Variants in GABRG3 observed in about 807,000 individuals in gnomAD.
The protein encoded by GABRG3 is gamma-aminobutyric acid type A receptor subunit gamma3, also known as gamma-aminobutyric acid receptor subunit gamma-3.
Under a neutral mutation model 48.8 loss-of-function variants are expected in GABRG3, and 25 were observed. That is an observed-to-expected ratio of 0.51 (90% CI 0.37 to 0.72). The LOEUF (loss-of-function observed/expected upper bound fraction) is 0.72. GABRG3 is among the 30% of genes least tolerant of loss of function. GABRG3 has a pLI of 0.00. For synonymous variants in GABRG3, 227 were observed against 217.6 expected (o/e 1.04, Z -0.38); for missense variants, 394 against 577.9 (o/e 0.68, Z 3.26).
At chr15:27,439,489 C>G (rs1030632813) in intron 5 of GABRG3, among the ~76,000 whole-genome samples, 1 of 152,098 alleles carries the variant, frequency 6.6e-6, no homozygotes, top group African/African-American at 2.4e-5. Context: ...CAGACAAACA[C>G]TACCTCAGAA....
At chr15:27,174,355 C>T (rs905993794) in intron 3 of GABRG3, among the ~76,000 whole-genome samples, 3 of 152,174 alleles carry the variant, frequency 2.0e-5, no homozygotes, top group Non-Finnish European at 4.4e-5. Flanking sequence ...CCCACATTTT[C>T]TGCATTTCAT....
At chr15:27,092,556 C>T (rs542586966) in intron 3 of GABRG3, among the ~76,000 whole-genome samples, 1 of 152,324 alleles carries the variant, frequency 6.6e-6, no homozygotes, top group East Asian at 1.9e-4. Flanking sequence ...CAAGCGGATG[C>T]TCTGGAGGCT....
intron 5 of GABRG3, among the ~76,000 whole-genome samples, chr15:27,467,223 T>C (rs528231839): frequency 6.6e-6 from 1 of 151,978 alleles, no homozygotes; most frequent in Non-Finnish European, 1.5e-5. Flanking sequence ...ATCTCTTTCA[T>C]ATCTCTTATT....
chr15:27,417,751 C>A (rs980468987), intron 5 of GABRG3, among the ~76,000 whole-genome samples: 2 of 152,188 alleles, frequency 1.3e-5, no homozygotes, highest in African/African-American at 4.8e-5. Flanking sequence ...CCCTTCTTCT[C>A]GTGCGAGGAC....
intron 5 of GABRG3, among the ~76,000 whole-genome samples, chr15:27,427,341 G>A (rs1334915517): frequency 6.6e-6 from 1 of 152,148 alleles, no homozygotes; most frequent in East Asian, 1.9e-4. Flanking sequence ...TAATGAAGTT[G>A]GCAATAAACA....
intron 3 of GABRG3, among the ~76,000 whole-genome samples, chr15:27,181,395 A>G (rs1342194781): frequency 6.6e-6 from 1 of 152,170 alleles, no homozygotes; most frequent in Non-Finnish European, 1.5e-5. Context: ...GAAGATTTGT[A>G]TGAGATTTCT....
chr15:27,054,000 G>A lies in GABRG3; in HGVS notation c.270+27179G>A, dbSNP rs557524794. 1.1e-4 allele frequency among the ~76,000 whole-genome samples: 17 copies of A among 152,306 alleles called. No homozygotes were observed. In the East Asian group the frequency reaches 2.5e-3, roughly 23 times the overall value. ...GGAGGGGCCGGGTGTGGCGGCTCAC[G>A]CCTCTAATCCCTGCACTTTGACTAA... is the stretch of plus-strand genomic sequence containing the variant. On this transcript the variant is annotated intron_variant, in intron 3 of 9. Transcript: ENST00000615808.
At chr15:27,061,491 T>C (rs1295591249) in intron 3 of GABRG3, among the ~76,000 whole-genome samples, 1 of 152,002 alleles carries the variant, frequency 6.6e-6, no homozygotes, top group Non-Finnish European at 1.5e-5. Flanking sequence ...TTTTGCCCTT[T>C]CACTAGAAAA....
At chr15:27,300,984 A>G (rs1475436145) in intron 3 of GABRG3, among the ~76,000 whole-genome samples, 1 of 152,136 alleles carries the variant, frequency 6.6e-6, no homozygotes, top group Admixed American at 6.6e-5. Flanking sequence ...AAACAAACAA[A>G]CAAAAACTTG....
intron 3 of GABRG3, among the ~76,000 whole-genome samples, chr15:27,128,685 A>G (rs1398551516): frequency 6.6e-6 from 1 of 152,238 alleles, no homozygotes; most frequent in Non-Finnish European, 1.5e-5. Flanking sequence ...CTCCACAACC[A>G]TGGGAAGAAG....
intron 3 of GABRG3, among the ~76,000 whole-genome samples, chr15:27,261,175 C>T (rs1890755933): frequency 6.6e-6 from 1 of 152,056 alleles, no homozygotes; most frequent in Non-Finnish European, 1.5e-5. Context: ...TCAGCTTATT[C>T]TATTGCACTA....
At chr15:27,134,202 A>ACC (rs1566943891) in intron 3 of GABRG3, among the ~76,000 whole-genome samples, 10 of 152,186 alleles carry the variant, frequency 6.6e-5, no homozygotes, top group African/African-American at 2.4e-4. Context: ...TGTGAACATG[A>ACC]TTGGCCTGAG....
intron 3 of GABRG3, among the ~76,000 whole-genome samples, chr15:27,067,736 C>T (rs527562966): frequency 6.6e-6 from 1 of 152,304 alleles, no homozygotes; most frequent in African/African-American, 2.4e-5. Context: ...GGCGGCTCTG[C>T]CTTCCAAGCC....
intron 2 of GABRG3, among the ~76,000 whole-genome samples, chr15:27,021,710 G>T (rs777070050): frequency 6.6e-6 from 1 of 152,088 alleles, no homozygotes; most frequent in Non-Finnish European, 1.5e-5. Flanking sequence ...TGATATGTTG[G>T]TGTGTGCCTG....
rs1444594394 is a variant in GABRG3 at position 27,114,142 on chromosome 15, A to G, written c.270+87321A>G. On this transcript the variant is annotated intron_variant, in intron 3 of 9. Transcript: ENST00000615808. ...ATAGATTATTTGCAGTCTGTTATAA[A>G]AGATGCTCTAGGCTTGTCTCGTACA... is the stretch of plus-strand genomic sequence containing the variant. Among the ~76,000 whole-genome samples the G allele has an allele frequency of 2.0e-5, 3 of 152,198 alleles. No homozygotes were observed. The East Asian group carries it at 5.8e-4, about 29-fold the overall frequency.
intron 7 of GABRG3, among the ~76,000 whole-genome samples, chr15:27,525,821 A>T (rs1891262747): frequency 6.6e-6 from 1 of 152,050 alleles, no homozygotes; most frequent in Non-Finnish European, 1.5e-5. Flanking sequence ...CCTGGGGGAG[A>T]ACATTAGGGA....
intron 3 of GABRG3, among the ~76,000 whole-genome samples, chr15:27,297,624 A>G (rs1392239018): frequency 6.6e-6 from 1 of 152,212 alleles, no homozygotes; most frequent in Non-Finnish European, 1.5e-5. Flanking sequence ...AGGCTATACC[A>G]TTCTATGTTT....
intron 3 of GABRG3, among the ~76,000 whole-genome samples, chr15:27,190,330 A>T (rs1888250332): frequency 6.6e-6 from 1 of 152,298 alleles, no homozygotes; most frequent in East Asian, 1.9e-4. Flanking sequence ...CCTCTGGTAG[A>T]ATTCGGCTGT....
intron 3 of GABRG3, among the ~76,000 whole-genome samples, chr15:27,147,445 C>CTAG (rs1898229528): frequency 6.6e-6 from 1 of 151,970 alleles, no homozygotes; most frequent in African/African-American, 2.4e-5. Context: ...ATTTGAACAA[C>CTAG]ACTCTAAGAC....
Sources: gnomAD v4.1 joint callset for allele counts (sites outside exome capture counted in the v4.1 genomes callset) on GRCh38, gnomAD v4.1.1 for gene constraint, MANE v1.5 for transcripts, NCBI Gene and HGNC (gene_info 2026-07-23, HGNC 2026-07-21) for gene names.